CRPPA: variants seen among roughly 807,000 people sequenced by gnomAD.
CRPPA encodes D-ribitol-5-phosphate cytidylyltransferase.
CRPPA carries 43 observed loss-of-function variants against 52.0 expected under a neutral mutation model. The ratio of observed to expected loss-of-function variants is 0.83; its 90% CI spans 0.65 to 1.07. CRPPA has a LOEUF of 1.07. Ranked by LOEUF, CRPPA falls within the 50% of genes least tolerant of loss-of-function variation. The pLI is 0.00. For synonymous variants in CRPPA, 250 were observed against 203.5 expected (o/e 1.23, Z -1.94); for missense variants, 629 against 551.7 (o/e 1.14, Z -1.40).
chr7:16,291,721 C>G (rs1784568696), intron 5 of CRPPA, among the ~76,000 whole-genome samples: 1 of 151,504 alleles, frequency 6.6e-6, no homozygotes, highest in Admixed American at 6.6e-5. Context: ...TTTACAATAG[C>G]TAAAAGAGAG....
chr7:16,372,391 C>A (rs935514505), intron 3 of CRPPA, among the ~76,000 whole-genome samples: 9 of 152,314 alleles, frequency 5.9e-5, no homozygotes, highest in African/African-American at 1.7e-4. Context: ...GGGGTCCTAT[C>A]TTTAGCCTCC....
At chr7:16,203,287 A>G (rs1781897726) in intron 9 of CRPPA, among the ~76,000 whole-genome samples, 1 of 152,170 alleles carries the variant, frequency 6.6e-6, no homozygotes, top group Non-Finnish European at 1.5e-5. Flanking sequence ...CCTGTGGGGA[A>G]TGTGCCCCAC....
intron 9 of CRPPA, among the ~76,000 whole-genome samples, chr7:16,176,272 G>A (rs1314196529): frequency 1.3e-5 from 2 of 152,044 alleles, no homozygotes; most frequent in South Asian, 2.1e-4. Context: ...TATCCTAGAG[G>A]AAATTATTTT....
intron 3 of CRPPA, among the ~76,000 whole-genome samples, chr7:16,351,564 GA>G (rs928675546): frequency 3.3e-5 from 5 of 149,686 alleles, no homozygotes; most frequent in South Asian, 4.2e-4. Context: ...AAATTTACAT[GA>G]AAAAAAAACA....
chr7:16,155,397 A>C (rs1321632706), intron 9 of CRPPA, among the ~76,000 whole-genome samples: 2 of 152,156 alleles, frequency 1.3e-5, no homozygotes, highest in Non-Finnish European at 2.9e-5. Context: ...TGGACAACAT[A>C]AGTCTATGCA....
At chr7:16,221,903 C>T (rs1371489546) in intron 8 of CRPPA, among the ~76,000 whole-genome samples, 2 of 151,772 alleles carry the variant, frequency 1.3e-5, no homozygotes, top group Non-Finnish European at 2.9e-5. Flanking sequence ...CCTCAGGGAT[C>T]TAGAACTAGA....
At chr7:16,308,077 G>C (rs1016433595) in intron 4 of CRPPA, among the ~76,000 whole-genome samples, 9 of 152,062 alleles carry the variant, frequency 5.9e-5, no homozygotes, top group Admixed American at 2.0e-4. Flanking sequence ...AAGTGAGTGA[G>C]GTCTCGAAGT....
At chr7:16,100,104 C>A (rs886304279) in intron 9 of CRPPA, among the ~76,000 whole-genome samples, 4 of 152,164 alleles carry the variant, frequency 2.6e-5, no homozygotes, top group Non-Finnish European at 4.4e-5. Context: ...TCAACCTAAT[C>A]AACCCTTCTA....
chr7:16,302,479 A>G (rs961033142), intron 4 of CRPPA, among the ~76,000 whole-genome samples: 5 of 152,138 alleles, frequency 3.3e-5, no homozygotes, highest in African/African-American at 1.2e-4. Context: ...TATATCACAG[A>G]GCTGAAATAC....
intron 9 of CRPPA, 140 bp from the exon 10 acceptor site, chr7:16,091,939 C>T: frequency 4.1e-6 from 2 of 483,284 alleles, no homozygotes; most frequent in Non-Finnish European, 7.2e-6. Flanking sequence ...CTGTCATGGA[C>T]ACGGTTCCCC....
At chr7:16,337,519 A>G (rs924359068) in intron 3 of CRPPA, among the ~76,000 whole-genome samples, 2 of 152,096 alleles carry the variant, frequency 1.3e-5, no homozygotes, top group African/African-American at 4.8e-5. Flanking sequence ...ATCACAACCA[A>G]AATTTAGAAA....
At chr7:16,358,140 A>G (rs1443319202) in intron 3 of CRPPA, among the ~76,000 whole-genome samples, 1 of 151,808 alleles carries the variant, frequency 6.6e-6, no homozygotes, top group East Asian at 1.9e-4. Context: ...AGAGAACAGC[A>G]GGCCAGACTG....
chr7:16,417,549 A>C (rs1788223021), intron 1 of CRPPA, among the ~76,000 whole-genome samples: 1 of 152,176 alleles, frequency 6.6e-6, no homozygotes, highest in African/African-American at 2.4e-5. Context: ...ACAGAAAACC[A>C]ATTACCACAA....
chr7:16,212,955 GT>G (rs1466435204), intron 9 of CRPPA, among the ~76,000 whole-genome samples: 1 of 152,148 alleles, frequency 6.6e-6, no homozygotes. Context: ...AAATGCACAG[GT>G]TAAAGATAAA....
chr7:16,228,635 T>G (rs1005988495), intron 8 of CRPPA, among the ~76,000 whole-genome samples: 1 of 152,006 alleles, frequency 6.6e-6, no homozygotes, highest in Admixed American at 6.6e-5. Context: ...ATTTCTAGTT[T>G]CATATTTTGT....
chr7:16,387,042 A>AATAT (rs1377818547), intron 2 of CRPPA, among the ~76,000 whole-genome samples: 1 of 82,786 alleles, frequency 1.2e-5, no homozygotes, highest in Non-Finnish European at 2.5e-5. Flanking sequence ...AAATAAAAAA[A>AATAT]AGATATATAT....
At chr7:16,416,308 C>T (rs1012257039) in intron 1 of CRPPA, among the ~76,000 whole-genome samples, 3 of 152,112 alleles carry the variant, frequency 2.0e-5, no homozygotes, top group Non-Finnish European at 4.4e-5. Flanking sequence ...GGATAGCTGG[C>T]TAGCCATATC....
At chr7:16,387,094 T>TATATATATATATAC (rs1787308510) in intron 2 of CRPPA, among the ~76,000 whole-genome samples, 1 of 116,936 alleles carries the variant, frequency 8.6e-6, no homozygotes, top group African/African-American at 3.6e-5. Flanking sequence ...TATACACACA[T>TATATATATATATAC]ATATATATGT....
intron 5 of CRPPA, among the ~76,000 whole-genome samples, chr7:16,292,163 T>C (rs1024575150): frequency 3.3e-5 from 5 of 151,976 alleles, no homozygotes; most frequent in Admixed American, 1.3e-4. Context: ...AACAATACTC[T>C]CTTAACCGTA....
Sources: allele counts gnomAD v4.1 joint callset (sites outside exome capture counted in the v4.1 genomes callset), GRCh38; gene constraint gnomAD v4.1.1; transcripts MANE v1.5; gene names NCBI Gene and HGNC (gene_info 2026-07-23, HGNC 2026-07-21).